The following ATP6V1A variants were observed in gnomAD, a reference collection of about 807,000 sequenced individuals.
ATP6V1A encodes V-type proton ATPase catalytic subunit A.
Under a neutral mutation model 70.1 loss-of-function variants are expected in ATP6V1A, and 18 were observed. The ratio of observed to expected loss-of-function variants is 0.26; its 90% CI spans 0.18 to 0.38. The LOEUF (loss-of-function observed/expected upper bound fraction) is 0.38. Ranked by LOEUF, ATP6V1A falls within the 10% of genes least tolerant of loss-of-function variation. ATP6V1A has a pLI of 1.00. For synonymous variants in ATP6V1A, 232 were observed against 253.8 expected (o/e 0.91, Z 0.82); for missense variants, 424 against 772.4 (o/e 0.55, Z 5.35).
intron 1 of ATP6V1A, among the ~76,000 whole-genome samples, chr3:113,761,334 C>G (rs1212617185): frequency 6.6e-6 from 1 of 151,558 alleles, no homozygotes; most frequent in Non-Finnish European, 1.5e-5. Flanking sequence ...TCTCAAATGC[C>G]TACATTTCTT....
At chr3:113,808,957 C>T (rs934256651) in intron 14 of ATP6V1A, among the ~76,000 whole-genome samples, 5 of 152,050 alleles carry the variant, frequency 3.3e-5, no homozygotes, top group Non-Finnish European at 7.4e-5. Flanking sequence ...ATATAAAATA[C>T]GAGTAACCTG....
Position 113,809,474 on chromosome 3 carries a change from C to CT in ATP6V1A, c.*48dup. Reference sequence around the variant, plus strand: ...TGATTTCCTTTTCCTCAGCAAGCTCCTATGTGTATATTTTCCTGAATTTCT... The same window carrying CT: ...TGATTTCCTTTTCCTCAGCAAGCTCCTTATGTGTATATTTTCCTGAATTTCT... On this transcript the variant is annotated 3_prime_UTR_variant, in exon 15 of 15. Coordinates refer to ENST00000273398, the MANE Select transcript of ATP6V1A (RefSeq NM_001690.4). 1.3e-6 allele frequency: 2 copies of CT among 1,535,798 alleles called. No homozygotes were observed. Among genetic ancestry groups the CT allele is most frequent in the South Asian group, 2.3e-5 (2 of 88,120 alleles).
intron 6 of ATP6V1A, among the ~76,000 whole-genome samples, chr3:113,787,583 A>G (rs553008933): frequency 2.1e-4 from 32 of 152,320 alleles, no homozygotes; most frequent in African/African-American, 7.0e-4. Context: ...ATTATTACCA[A>G]GCAATTTATT....
chr3:113,751,806 T>G (rs1388148944), intron 1 of ATP6V1A, among the ~76,000 whole-genome samples: 1 of 151,792 alleles, frequency 6.6e-6, no homozygotes, highest in Non-Finnish European at 1.5e-5. Flanking sequence ...TATTTTTACC[T>G]GAAACTACTG....
At chr3:113,785,511 T>C (rs1434249683) in intron 5 of ATP6V1A, among the ~76,000 whole-genome samples, 43 of 144,446 alleles carry the variant, frequency 3.0e-4, no homozygotes, top group African/African-American at 7.8e-4. Flanking sequence ...CTTTTCTTTT[T>C]TTTTTTTTTT....
chr3:113,770,405 C>T (rs971012621), intron 1 of ATP6V1A, among the ~76,000 whole-genome samples: 7 of 150,924 alleles, frequency 4.6e-5, no homozygotes, highest in Non-Finnish European at 4.4e-5. Context: ...AGGCCGGGCA[C>T]GGTGGCTTAT....
chr3:113,795,235 G>A (rs762528032), intron 10 of ATP6V1A, 31 bp downstream of exon 10: 6 of 1,592,556 alleles, frequency 3.8e-6, no homozygotes, highest in Non-Finnish European at 3.4e-6. Flanking sequence ...CTTTGCAAAA[G>A]GAAAAAAGTC....
intron 11 of ATP6V1A, 110 bp downstream of exon 11, chr3:113,796,049 T>A: frequency 1.1e-6 from 1 of 942,044 alleles, no homozygotes. Flanking sequence ...ATTTAGTCTC[T>A]AAAGGATAGG....
intron 12 of ATP6V1A, chr3:113,802,883 T>G: frequency 6.5e-6 from 1 of 152,684 alleles, no homozygotes; most frequent in Middle Eastern, 3.4e-3. Flanking sequence ...AGCTGGTCTC[T>G]CACTCCTGAG....
chr3:113,795,032 A>G lies in ATP6V1A; in HGVS notation c.1111+38A>G, dbSNP rs1346882762. The G allele has an allele frequency of 1.1e-5, 17 of 1,613,152 alleles. No homozygotes were observed. The East Asian group carries it at 2.7e-4, about 25-fold the overall frequency. On this transcript the variant is annotated intron_variant, in intron 9 of 14. Transcript: ENST00000273398. Reference sequence around the variant, plus strand: ...ATTGCTTATCATGTAAACAAGACTGATGGGATTTTCGGGGCTGGCTTAGAA... The same window carrying G: ...ATTGCTTATCATGTAAACAAGACTGGTGGGATTTTCGGGGCTGGCTTAGAA...
chr3:113,809,967 C>T lies in ATP6V1A; in HGVS notation c.*540C>T, dbSNP rs1709321514. 6.6e-6 allele frequency: 1 copy of T among 152,178 alleles called. No individual in the cohort carries two copies. Among genetic ancestry groups the T allele is most frequent in the Non-Finnish European group, 1.5e-5 (1 of 68,028 alleles). 9.4% of individuals were successfully genotyped at this position (152,178 alleles called of 1,614,324 possible). A position where few individuals can be genotyped will look rare whatever the true frequency, so the allele number is the denominator to read the frequency against. On this transcript the variant is annotated 3_prime_UTR_variant, in exon 15 of 15. Coordinates refer to ENST00000273398, the MANE Select transcript of ATP6V1A (RefSeq NM_001690.4). ...TTAATGTTCCAATTATGCATCACTT[C>T]CCCCAGTATAAATCAGGAATGTTTG...
chr3:113,788,943 A>G, intron 7 of ATP6V1A, 68 bp downstream of exon 7: 1 of 1,445,852 alleles, frequency 6.9e-7, no homozygotes, highest in East Asian at 2.3e-5. Flanking sequence ...GACAATTAAT[A>G]AAGCTTTGTG....
At chr3:113,801,937 A>AG (rs1364097799) in intron 12 of ATP6V1A, among the ~76,000 whole-genome samples, 3 of 151,774 alleles carry the variant, frequency 2.0e-5, no homozygotes, top group Non-Finnish European at 4.4e-5. Context: ...AAAAAACAAA[A>AG]CTGGAGACCT....
chr3:113,778,865 G>A (rs1439391018), intron 2 of ATP6V1A, 30 bp downstream of exon 2: 4 of 1,385,590 alleles, frequency 2.9e-6, no homozygotes, highest in Admixed American at 2.4e-5. Context: ...CTCAAAATAA[G>A]GATATCTAAC....
intron 1 of ATP6V1A, among the ~76,000 whole-genome samples, chr3:113,757,052 C>T (rs1708653621): frequency 6.6e-6 from 1 of 152,102 alleles, no homozygotes; most frequent in South Asian, 2.1e-4. Flanking sequence ...TTCACTTGTT[C>T]AAGAAAGGAA....
intron 1 of ATP6V1A, among the ~76,000 whole-genome samples, chr3:113,773,314 G>C (rs1004654691): frequency 6.6e-6 from 1 of 152,070 alleles, no homozygotes; most frequent in Non-Finnish European, 1.5e-5. Flanking sequence ...GCAAATTTAT[G>C]GATCTAGTGA....
rs1192306520 is a variant in ATP6V1A at position 113,803,780 on chromosome 3, C to T, written c.1589+103C>T. 2.9e-5 allele frequency: 23 copies of T among 791,456 alleles called. No individual in the cohort carries two copies. In the East Asian group the frequency reaches 5.3e-4, roughly 18 times the overall value. 49.0% of individuals were successfully genotyped at this position (791,456 alleles called of 1,614,324 possible). On this transcript the variant is annotated intron_variant, in intron 13 of 14. Transcript: ENST00000273398. ...TTTTTTATTCTCATACAGGCTCATA[C>T]ACTCTGACTTAGTAGATTGGTTTAT...
chr3:113,798,398 T>C lies in ATP6V1A; in HGVS notation c.1446T>C (p.Ile482=), dbSNP rs552930666. ...CTCTGAGGACGAAAGCTAAGGAAAT[T>C]CTGCAGGAAGAAGAAGACCTGGCAG... ...FVPLRTKAKE[I]LQEEEDLAEI... Residue 482 remains isoleucine, a synonymous_variant, in exon 12 of 15, where the codon ATT becomes ATC. Coordinates refer to ENST00000273398, the MANE Select transcript of ATP6V1A (RefSeq NM_001690.4). 4.3e-6 allele frequency: 7 copies of C among 1,613,954 alleles called. No individual in the cohort carries two copies. In the Admixed American group the frequency reaches 6.7e-5, roughly 15 times the overall value.
chr3:113,781,238 C>T, intron 3 of ATP6V1A, 60 bp downstream of exon 3: 1 of 1,537,722 alleles, frequency 6.5e-7, no homozygotes, highest in East Asian at 2.4e-5. Flanking sequence ...AGGATTTAGG[C>T]CAGGCATAGT....
Sources: allele counts gnomAD v4.1 joint callset (sites outside exome capture counted in the v4.1 genomes callset), GRCh38; gene constraint gnomAD v4.1.1; transcripts MANE v1.5; gene names NCBI Gene and HGNC (gene_info 2026-07-23, HGNC 2026-07-21).